Variants in RGL1 observed in about 807,000 individuals in gnomAD.
RGL1 encodes the protein ral guanine nucleotide dissociation stimulator-like 1.
In RGL1, 24 loss-of-function variants were observed where a neutral mutation model predicts 95.2. The observed-to-expected ratio is 0.25, with a 90% CI of 0.18 to 0.35. The LOEUF is 0.35. RGL1 is among the 10% of genes least tolerant of loss of function. The probability of loss-of-function intolerance (pLI) is 1.00; values close to 1 mark genes in which losing one functional copy is unlikely to be tolerated. For synonymous variants in RGL1, 329 were observed against 344.9 expected, an observed-to-expected ratio of 0.95 and a Z score of 0.51; for missense variants, 715 against 936.3, an observed-to-expected ratio of 0.76 and a Z score of 3.08.
chr1:183,881,647 G>A (rs998770316), intron 5 of RGL1, among the ~76,000 whole-genome samples: 3 of 152,176 alleles, frequency 2.0e-5, no homozygotes, highest in African/African-American at 7.2e-5. Context: ...GTAAGGGAAA[G>A]GAAATGTTCC....
At chr1:183,822,568 G>A (rs1474221474) in intron 2 of RGL1, among the ~76,000 whole-genome samples, 5 of 152,040 alleles carry the variant, frequency 3.3e-5, no homozygotes, top group Non-Finnish European at 7.4e-5. Flanking sequence ...AATGTTTGAG[G>A]GAGTTAGACT....
chr1:183,713,515 A>T (rs907529536), intron 1 of RGL1, among the ~76,000 whole-genome samples: 1 of 151,854 alleles, frequency 6.6e-6, no homozygotes, highest in Non-Finnish European at 1.5e-5. Flanking sequence ...TCCTTTCTCA[A>T]TGCGATGGCA....
intron 2 of RGL1, among the ~76,000 whole-genome samples, chr1:183,762,106 T>G (rs1274444132): frequency 6.6e-6 from 1 of 152,240 alleles, no homozygotes; most frequent in Non-Finnish European, 1.5e-5. Flanking sequence ...TTTTGCTTTA[T>G]CATTCATCTA....
chr1:183,828,398 A>T (rs939580505), intron 2 of RGL1, among the ~76,000 whole-genome samples: 4 of 152,120 alleles, frequency 2.6e-5, no homozygotes, highest in African/African-American at 4.8e-5. Flanking sequence ...ACAGCATCTG[A>T]CATGGAGTAG....
At chr1:183,659,161 C>T (rs1415119808) in intron 1 of RGL1, among the ~76,000 whole-genome samples, 5 of 152,144 alleles carry the variant, frequency 3.3e-5, no homozygotes, top group Non-Finnish European at 7.3e-5. Context: ...TCTCCTCCTC[C>T]AAAGGAATAC....
chr1:183,880,563 T>C, intron 4 of RGL1, 53 bp from the exon 5 acceptor site: 2 of 1,577,354 alleles, frequency 1.3e-6, no homozygotes, highest in South Asian at 1.1e-5. Flanking sequence ...CAGGGATTGC[T>C]TTGCCTCCCC....
Position 183,916,628 on chromosome 1 carries a change from A to G in RGL1, c.1931A>G (p.Gln644Arg), listed in dbSNP as rs899432783. Residue 644 changes from glutamine (Q) to arginine (R), a missense_variant, in exon 16 of 18, where the codon CAA becomes CGA. Coordinates refer to ENST00000360851, the MANE Select transcript of RGL1 (RefSeq NM_001297671.3). Reference protein sequence around the residue: ...TSTVLPPVYNQQNEDTCIIRI... With the variant: ...TSTVLPPVYNRQNEDTCIIRI... ...ACTGTGCTGCCTCCTGTTTACAACC[A>G]ACAGAATGAAGACACCTGCATAATC... 3 of 1,613,910 alleles carry G rather than the reference A, an allele frequency of 1.9e-6. No individual in the cohort carries two copies. The African/African-American group carries it at 4.0e-5, about 22-fold the overall frequency.
intron 3 of RGL1, among the ~76,000 whole-genome samples, chr1:183,851,471 T>C (rs1437364398): frequency 6.6e-6 from 1 of 152,218 alleles, no homozygotes; most frequent in Non-Finnish European, 1.5e-5. Flanking sequence ...TTCTTTTTCT[T>C]TGAGAGGATC....
intron 1 of RGL1, among the ~76,000 whole-genome samples, chr1:183,671,058 A>G (rs941936275): frequency 6.6e-6 from 1 of 152,236 alleles, no homozygotes; most frequent in Non-Finnish European, 1.5e-5. Flanking sequence ...CCTTCTTCAC[A>G]AGGTGGCTGG....
intron 2 of RGL1, among the ~76,000 whole-genome samples, chr1:183,832,826 GTTGTTA>G (rs1350489370): frequency 6.6e-6 from 1 of 152,136 alleles, no homozygotes; most frequent in Non-Finnish European, 1.5e-5. Flanking sequence ...TGGAATTGTT[GTTGTTA>G]TTGTTATTCT....
intron 5 of RGL1, among the ~76,000 whole-genome samples, chr1:183,883,279 ACT>A (rs1290504213): frequency 6.6e-6 from 1 of 152,088 alleles, no homozygotes; most frequent in African/African-American, 2.4e-5. Flanking sequence ...GTTGAAAGTG[ACT>A]CTGAACATTT....
intron 1 of RGL1, chr1:183,742,063 T>G (rs892865124): frequency 1.4e-5 from 19 of 1,388,984 alleles, no homozygotes; most frequent in Non-Finnish European, 1.8e-5. Context: ...ATAATTTGCT[T>G]CGATGTCTCT....
intron 1 of RGL1, among the ~76,000 whole-genome samples, chr1:183,698,196 A>G (rs1475352801): frequency 6.6e-6 from 1 of 152,232 alleles, no homozygotes; most frequent in Admixed American, 6.5e-5. Context: ...CCACTGACAG[A>G]GAACCAATTT....
chr1:183,695,482 T>C (rs1558157612), intron 1 of RGL1, among the ~76,000 whole-genome samples: 1 of 152,220 alleles, frequency 6.6e-6, no homozygotes, highest in Non-Finnish European at 1.5e-5. Flanking sequence ...ATTTATGTGA[T>C]TTGTACAAAT....
rs763149144 is a variant in RGL1 at position 183,688,790 on chromosome 1, A to G, written c.-33+52289A>G. ...AAAAGTCATTTTAAAAAAATTTCCA[A>G]GCAGACCATTTTGCTTTAGAAATAT... On this transcript the variant is annotated intron_variant, in intron 1 of 18. Coordinates refer to the RGL1 transcript ENST00000304685. Among the ~76,000 whole-genome samples, 18 of 152,302 alleles carry G rather than the reference A, an allele frequency of 1.2e-4. 1 individual carries two copies. The highest frequency in any genetic ancestry group is 9.8e-4 in the Admixed American group (15 of 15,290).
At position 183,905,820 on chromosome 1, in the gene RGL1, C is replaced by A. The variant is rs541951378; in HGVS notation, c.1472+849C>A. Among the ~76,000 whole-genome samples, 83 of 151,680 alleles carry A rather than the reference C, an allele frequency of 5.5e-4. 1 individual carries two copies. Among genetic ancestry groups the A allele is most frequent in the Non-Finnish European group, 8.5e-4 (58 of 67,874 alleles). Reference sequence around the variant, plus strand: ...TTTAAATGATTGGGGTGGGGGGGAACAAAAAAAGAATATTTTGTGACACGA... The same window carrying A: ...TTTAAATGATTGGGGTGGGGGGGAAAAAAAAAAGAATATTTTGTGACACGA... On this transcript the variant is annotated intron_variant, in intron 13 of 17. Transcript: ENST00000360851.
chr1:183,685,676 A>G (rs1451169543), intron 1 of RGL1, among the ~76,000 whole-genome samples: 2 of 152,190 alleles, frequency 1.3e-5, no homozygotes, highest in Non-Finnish European at 2.9e-5. Context: ...ATAACATAAT[A>G]AGGTAAGCAG....
intron 14 of RGL1, among the ~76,000 whole-genome samples, chr1:183,907,661 T>C (rs1258384560): frequency 6.6e-6 from 1 of 152,150 alleles, no homozygotes; most frequent in African/African-American, 2.4e-5. Context: ...GAGAACCCTT[T>C]CTAATGTTGC....
At chr1:183,714,158 G>A (rs1389395161) in intron 1 of RGL1, among the ~76,000 whole-genome samples, 2 of 152,200 alleles carry the variant, frequency 1.3e-5, no homozygotes, top group Non-Finnish European at 2.9e-5. Context: ...GGGTGGGGAA[G>A]TTTTCCTCTT....
Sources: allele counts gnomAD v4.1 joint callset (sites outside exome capture counted in the v4.1 genomes callset), GRCh38; gene constraint gnomAD v4.1.1; transcripts MANE v1.5; gene names NCBI Gene and HGNC (gene_info 2026-07-23, HGNC 2026-07-21).